Variants in RIC3 observed in about 807,000 individuals in gnomAD.
RIC3 encodes the protein RIC3 acetylcholine receptor chaperone, also known as protein RIC-3.
In RIC3, 28 loss-of-function variants were observed where a neutral mutation model predicts 27.3. That is an observed-to-expected ratio of 1.02 (90% CI 0.76 to 1.41). The LOEUF (loss-of-function observed/expected upper bound fraction) is 1.41, where lower values mean the gene tolerates loss of function less well. Ranked by LOEUF, RIC3 falls within the 40% of genes most tolerant of loss-of-function variation. The pLI is 0.00. For missense variants in RIC3, 501 were observed against 444.7 expected, an observed-to-expected ratio of 1.13 and a Z score of -1.14; for synonymous variants, 184 against 160.4, an observed-to-expected ratio of 1.15 and a Z score of -1.11.
downstream of RIC3, chr11:8,101,908 G>T: frequency 2.5e-6 from 1 of 399,394 alleles, no homozygotes; most frequent in Non-Finnish European, 4.5e-6. Flanking sequence ...TGTTGTAGTC[G>T]TACTTACCAA....
Position 8,110,393 on chromosome 11 carries a change from CCT to C in RIC3, c.*303_*304del, listed in dbSNP as rs1449346582. 7.8e-5 allele frequency: 35 copies of C among 447,194 alleles called. 2 individuals carry two copies. Among genetic ancestry groups the C allele is most frequent in the Middle Eastern group, 6.6e-4 (1 of 1,508 alleles). The allele number at this position is 447,194 out of a possible 1,614,324, so 27.7% of individuals were successfully genotyped here. A position where few individuals can be genotyped will look rare whatever the true frequency, so the allele number is the denominator to read the frequency against. On this transcript the variant is annotated 3_prime_UTR_variant, in exon 6 of 6. Coordinates refer to ENST00000309737, the MANE Select transcript of RIC3 (RefSeq NM_001206671.4). ...TACCAGGAAGAGTCAGACCTTTGCCCCTGAGTGGTCCCATCTGTAATTACAAT... is the reference window on the plus strand; with the variant it reads ...TACCAGGAAGAGTCAGACCTTTGCCCGAGTGGTCCCATCTGTAATTACAAT...
chr11:8,098,409 G>A, the RIC3 span, among the ~76,000 whole-genome samples: 5 of 152,250 alleles, frequency 3.3e-5, no homozygotes, highest in Middle Eastern at 3.4e-3. Flanking sequence ...CTCTCTCCAC[G>A]GGTGCTAAGC....
intron 1 of RIC3, among the ~76,000 whole-genome samples, chr11:8,164,710 TG>T (rs970444114): frequency 2.3e-4 from 33 of 144,222 alleles, no homozygotes; most frequent in African/African-American, 8.2e-4. Context: ...CCCAGGAGTT[TG>T]GGGCTACAGT....
intron 5 of RIC3, among the ~76,000 whole-genome samples, chr11:8,123,115 G>GGA (rs1178456008): frequency 6.6e-6 from 1 of 151,930 alleles, no homozygotes. Context: ...ATTAACAGTG[G>GGA]GTTAGATACA....
chr11:8,166,795 T>C (rs1157248042), intron 1 of RIC3, among the ~76,000 whole-genome samples: 2 of 151,796 alleles, frequency 1.3e-5, no homozygotes, highest in Non-Finnish European at 2.9e-5. Context: ...GGTGGGAGGA[T>C]CAGTTGAGCC....
intron 5 of RIC3, among the ~76,000 whole-genome samples, chr11:8,119,844 A>G (rs1420296916): frequency 6.6e-6 from 1 of 152,204 alleles, no homozygotes. Flanking sequence ...CAAATTTATA[A>G]GAAAAGAACA....
intron 1 of RIC3, among the ~76,000 whole-genome samples, chr11:8,165,238 C>G (rs1951572069): frequency 6.6e-6 from 1 of 152,032 alleles, no homozygotes; most frequent in African/African-American, 2.4e-5. Flanking sequence ...AATTTGTACA[C>G]AGATATCAGT....
chr11:8,138,228 T>C (rs1948630221), intron 3 of RIC3, 44 bp downstream of exon 3: 1 of 1,379,316 alleles, frequency 7.2e-7, no homozygotes, highest in Non-Finnish European at 1.0e-6. Flanking sequence ...ATAAAACTGT[T>C]TGACTCAATA....
At position 8,110,299 on chromosome 11, in the gene RIC3, T is replaced by G. The variant is rs1336605988; in HGVS notation, c.*399A>C. ...GGGATCTTGGAGTCTGAAATCTTCA[T>G]TCTTGCAACCTTAAGTCCTCATCAT... On this transcript the variant is annotated 3_prime_UTR_variant, in exon 6 of 6. Coordinates refer to ENST00000309737, the MANE Select transcript of RIC3 (RefSeq NM_001206671.4). The G allele has an allele frequency of 9.2e-6, 3 of 326,280 alleles. No individual in the cohort carries two copies. The highest frequency in any genetic ancestry group is 1.8e-5 in the Non-Finnish European group (3 of 168,642). 20.2% of individuals were successfully genotyped at this position (326,280 alleles called of 1,614,324 possible). A position where few individuals can be genotyped will look rare whatever the true frequency, so the allele number is the denominator to read the frequency against.
chr11:8,151,979 G>A (rs911066188), intron 1 of RIC3, among the ~76,000 whole-genome samples: 2 of 150,816 alleles, frequency 1.3e-5, no homozygotes, highest in Non-Finnish European at 1.5e-5. Flanking sequence ...ACAAACAAAT[G>A]TCCAATAAGC....
At chr11:8,117,836 T>C (rs974187487) in intron 5 of RIC3, among the ~76,000 whole-genome samples, 4 of 151,950 alleles carry the variant, frequency 2.6e-5, no homozygotes, top group African/African-American at 9.7e-5. Context: ...AATTTTCTTT[T>C]TAAAAGAGGA....
intron 1 of RIC3, among the ~76,000 whole-genome samples, chr11:8,151,604 A>AAAAAAAAG: frequency 6.8e-6 from 1 of 146,918 alleles, no homozygotes; most frequent in South Asian, 2.2e-4. Context: ...AAAAAAGACA[A>AAAAAAAAG]ATAAACCAAG....
chr11:8,130,792 C>T (rs112221718), intron 4 of RIC3, among the ~76,000 whole-genome samples: 73 of 151,630 alleles, frequency 4.8e-4, no homozygotes, highest in African/African-American at 1.1e-3. Context: ...CCCAGGCAAA[C>T]GAAAAAGTAT....
chr11:8,100,585 C>G, the RIC3 span: 1 of 1,613,954 alleles, frequency 6.2e-7, no homozygotes, highest in African/African-American at 1.3e-5. Context: ...GAGAGAGTCT[C>G]TATCCGCCCC....
chr11:8,099,437 T>C, the RIC3 span, among the ~76,000 whole-genome samples: 1 of 152,186 alleles, frequency 6.6e-6, no homozygotes, highest in Non-Finnish European at 1.5e-5. Context: ...GCATGGGCAC[T>C]TCTTGGAGGC....
rs1944712672 is a variant in RIC3 at position 8,106,778 on chromosome 11, G to A, written c.*3920C>T. ...CTAGAAGCAGACATGAAAGCTAATG[G>A]TCTGACCCAGACAAGAGGTTATAAC... is the stretch of plus-strand genomic sequence containing the variant. On this transcript the variant is annotated 3_prime_UTR_variant, in exon 6 of 6. Transcript: ENST00000309737. 1 of 152,208 alleles carries A rather than the reference G, an allele frequency of 6.6e-6. No homozygotes were observed. Among genetic ancestry groups the A allele is most frequent in the African/African-American group, 2.4e-5 (1 of 41,452 alleles). The allele number at this position is 152,208 out of a possible 1,614,324, so 9.4% of individuals were successfully genotyped here.
Position 8,110,355 on chromosome 11 carries a change from T to A in RIC3, c.*343A>T, listed in dbSNP as rs1444083143. ...AGCTGATGTTCGTTCACAGGTGAAC[T>A]ATCTGTTACACCTACCAGGAAGAGT... On this transcript the variant is annotated 3_prime_UTR_variant, in exon 6 of 6. Coordinates refer to ENST00000309737, the MANE Select transcript of RIC3 (RefSeq NM_001206671.4). The A allele has an allele frequency of 2.6e-6, 1 of 391,944 alleles. No individual in the cohort carries two copies. The highest frequency in any genetic ancestry group is 4.8e-6 in the Non-Finnish European group (1 of 206,610). The allele number at this position is 391,944 out of a possible 1,614,324, so 24.3% of individuals were successfully genotyped here. A position where few individuals can be genotyped will look rare whatever the true frequency, so the allele number is the denominator to read the frequency against.
At chr11:8,124,969 A>C in intron 5 of RIC3, among the ~76,000 whole-genome samples, 1 of 152,136 alleles carries the variant, frequency 6.6e-6, no homozygotes, top group Non-Finnish European at 1.5e-5. Context: ...AACATAAAAA[A>C]TGGGCTGGGC....
intron 5 of RIC3, among the ~76,000 whole-genome samples, chr11:8,123,192 G>GA (rs1946648101): frequency 1.0e-4 from 15 of 145,746 alleles, no homozygotes; most frequent in Admixed American, 2.1e-4. Flanking sequence ...AGCATGGTAA[G>GA]AAAAAAAAAA....
Sources: gnomAD v4.1 joint callset for allele counts (sites outside exome capture counted in the v4.1 genomes callset) on GRCh38, gnomAD v4.1.1 for gene constraint, MANE v1.5 for transcripts, NCBI Gene and HGNC (gene_info 2026-07-23, HGNC 2026-07-21) for gene names.